The following USP40 variants were observed in gnomAD, a reference collection of about 807,000 sequenced individuals.
USP40 encodes the protein ubiquitin carboxyl-terminal hydrolase 40.
USP40 carries 143 observed loss-of-function variants against 166.2 expected under a neutral mutation model. The observed-to-expected ratio is 0.86, with a 90% confidence interval of 0.75 to 0.99. The LOEUF is 0.99. Among genes scored for constraint, USP40 ranks in the 50% least tolerant of loss-of-function variants. The pLI is 0.00. For synonymous variants in USP40, 498 were observed against 524.0 expected (o/e 0.95, Z 0.68); for missense variants, 1,444 against 1,479.7 (o/e 0.98, Z 0.40).
rs2064220636 is a variant in USP40 at position 233,477,150 on chromosome 2, A to G, written c.*242T>C. 1 of 527,970 alleles carries G rather than the reference A, an allele frequency of 1.9e-6. No individual in the cohort carries two copies. Among genetic ancestry groups the G allele is most frequent in the Non-Finnish European group, 3.4e-6 (1 of 290,414 alleles). The allele number at this position is 527,970 out of a possible 1,614,324, so 32.7% of individuals were successfully genotyped here. ...GGCCGGGTGCTGTGTGAGAGAGCCCAGCACCTACTGGCAGCTGGGTGGGCG... is the reference window on the plus strand; with the variant it reads ...GGCCGGGTGCTGTGTGAGAGAGCCCGGCACCTACTGGCAGCTGGGTGGGCG... On this transcript the variant is annotated 3_prime_UTR_variant, in exon 32 of 32. Coordinates refer to ENST00000678225, the MANE Select transcript of USP40 (RefSeq NM_001365479.2).
intron 5 of USP40, among the ~76,000 whole-genome samples, chr2:233,556,040 C>T (rs963834549): frequency 3.3e-5 from 5 of 150,212 alleles, no homozygotes; most frequent in Admixed American, 1.3e-4. Context: ...GGCGTGAACC[C>T]GGGAGGTGGA....
At chr2:233,518,209 G>GTTT (rs371510633) in intron 18 of USP40, among the ~76,000 whole-genome samples, 6 of 97,434 alleles carry the variant, frequency 6.2e-5, no homozygotes, top group Admixed American at 2.5e-4. Flanking sequence ...CTCAAAATAT[G>GTTT]TTTTTTTTTT....
Position 233,559,926 on chromosome 2 carries a change from T to C in USP40, c.268-2A>G. Reference sequence around the variant, plus strand: ...TAACTGTAAAGGGATGATTCGAACCTGAATGAGAAACAAACACATTTCTAA... The same window carrying C: ...TAACTGTAAAGGGATGATTCGAACCCGAATGAGAAACAAACACATTTCTAA... On this transcript the variant is annotated splice_acceptor_variant, in intron 3 of 31. Transcript: ENST00000678225. LOFTEE classifies it high-confidence loss of function. The C allele has an allele frequency of 6.3e-7, 1 of 1,593,360 alleles. No homozygotes were observed. The highest frequency in any genetic ancestry group is 1.1e-5 in the South Asian group (1 of 87,472).
chr2:233,557,919 A>G (rs1423697337), intron 4 of USP40, among the ~76,000 whole-genome samples: 1 of 149,544 alleles, frequency 6.7e-6, no homozygotes, highest in East Asian at 2.0e-4. Flanking sequence ...AGGCCGAGGC[A>G]GCAGGATGCC....
chr2:233,559,167 G>A (rs2071359345), intron 4 of USP40, among the ~76,000 whole-genome samples: 1 of 152,180 alleles, frequency 6.6e-6, no homozygotes, highest in Non-Finnish European at 1.5e-5. Context: ...TTTACTCATT[G>A]CTGACAAGTG....
At chr2:233,518,257 A>T (rs1164791123) in intron 18 of USP40, among the ~76,000 whole-genome samples, 1 of 97,976 alleles carries the variant, frequency 1.0e-5, no homozygotes, top group Non-Finnish European at 2.3e-5. Flanking sequence ...ATTCTAAAAA[A>T]AAAAAAAAAA....
Position 233,506,310 on chromosome 2 carries a change from G to C in USP40, c.2613+3739C>G, listed in dbSNP as rs151142665. The stretch of plus-strand genomic sequence containing the variant: ...TGGATCTCCACATGCAGAATAATGA[G>C]ACTAGATTCCCTAACTCTCACTAAA... On this transcript the variant is annotated intron_variant, in intron 21 of 31. Coordinates refer to ENST00000678225, the MANE Select transcript of USP40 (RefSeq NM_001365479.2). Among the ~76,000 whole-genome samples, 1,013 of 152,230 alleles carry C rather than the reference G, an allele frequency of 6.7e-3. 13 individuals are homozygous for C. Among genetic ancestry groups the C allele is most frequent in the African/African-American group, 0.024 (976 of 41,528 alleles).
At chr2:233,541,645 AG>A (rs2069424133) in intron 9 of USP40, among the ~76,000 whole-genome samples, 1 of 152,252 alleles carries the variant, frequency 6.6e-6, no homozygotes, top group Non-Finnish European at 1.5e-5. Context: ...TACTCGACCC[AG>A]GTCCCTAGCA....
rs185985560 is a variant in USP40 at position 233,516,749 on chromosome 2, C to T, written c.2383+2865G>A. Among the ~76,000 whole-genome samples the T allele has an allele frequency of 1.8e-3, 265 of 149,492 alleles. 5 individuals carry two copies. The highest frequency in any genetic ancestry group is 5.2e-3 in the African/African-American group (211 of 40,642). ...GGCAGGTGCCTGTAACCCAGATATTCGGGAGGCTGAGGCAAGAGAATCGCT... is the reference window on the plus strand; with the variant it reads ...GGCAGGTGCCTGTAACCCAGATATTTGGGAGGCTGAGGCAAGAGAATCGCT... On this transcript the variant is annotated intron_variant, in intron 18 of 31. Transcript: ENST00000678225.
intron 10 of USP40, among the ~76,000 whole-genome samples, chr2:233,537,508 A>C (rs1259211574): frequency 6.6e-6 from 1 of 152,214 alleles, no homozygotes; most frequent in East Asian, 1.9e-4. Context: ...ACAATACCTA[A>C]ATACATTATT....
chr2:233,519,425 G>A (rs1425512545), intron 18 of USP40, 189 bp downstream of exon 18: 1 of 496,412 alleles, frequency 2.0e-6, no homozygotes, highest in African/African-American at 2.0e-5. Context: ...GAGAACACAG[G>A]GGACTTTAAC....
intron 30 of USP40, among the ~76,000 whole-genome samples, chr2:233,484,629 G>A (rs1027874989): frequency 4.0e-4 from 61 of 151,946 alleles, no homozygotes; most frequent in African/African-American, 1.4e-3. Context: ...CTACAGGTGT[G>A]TGCTACCACA....
chr2:233,523,088 A>C, intron 16 of USP40, 82 bp downstream of exon 16: 1 of 1,404,228 alleles, frequency 7.1e-7, no homozygotes, highest in Non-Finnish European at 9.7e-7. Context: ...CTTGTCACTA[A>C]AATAAAGCTT....
chr2:233,481,669 C>A (rs759644026), intron 30 of USP40: 24 of 226,278 alleles, frequency 1.1e-4, no homozygotes, highest in Non-Finnish European at 1.1e-4. Context: ...ACTTTATAGA[C>A]ACCGTCAGTC....
At chr2:233,491,721 C>A (rs2124045) in intron 25 of USP40, among the ~76,000 whole-genome samples, 30,807 of 151,988 alleles carry the variant, frequency 0.2, 3,285 homozygotes, top group African/African-American at 0.21. Flanking sequence ...CTTGTCTCCC[C>A]AGTTCCTGGT....
rs2072045734 is a variant in USP40 at position 233,565,345 on chromosome 2, A to G, written c.199+11T>C. The G allele has an allele frequency of 6.5e-7, 1 of 1,528,422 alleles. No individual in the cohort carries two copies. Among genetic ancestry groups the G allele is most frequent in the East Asian group, 2.4e-5 (1 of 40,998 alleles). 94.7% of individuals were successfully genotyped at this position (1,528,422 alleles called of 1,614,324 possible). ...ACATATTGCTAGTTAAATGTACGTA[A>G]CATAGCATACCTCTGAATTCAGGTG... On this transcript the variant is annotated intron_variant, in intron 2 of 31. Transcript: ENST00000678225.
chr2:233,524,370 T>A (rs756287246), intron 15 of USP40, 122 bp downstream of exon 15: 7 of 685,330 alleles, frequency 1.0e-5, no homozygotes, highest in Non-Finnish European at 1.6e-5. Context: ...CCTCAGGTGA[T>A]CTGCCTGCCT....
chr2:233,481,080 G>T, intron 31 of USP40, 123 bp downstream of exon 31: 4 of 874,274 alleles, frequency 4.6e-6, no homozygotes, highest in Admixed American at 2.6e-5. Context: ...CGCCACACTG[G>T]TGTGCTTTGT....
intron 25 of USP40, 82 bp from the exon 26 acceptor site, chr2:233,491,343 T>C: frequency 9.8e-7 from 1 of 1,021,478 alleles, no homozygotes; most frequent in South Asian, 1.4e-5. Context: ...TGTTTTGATA[T>C]TGTAAATAGG....
Sources: gnomAD v4.1 joint callset for allele counts (sites outside exome capture counted in the v4.1 genomes callset) on GRCh38, gnomAD v4.1.1 for gene constraint, MANE v1.5 for transcripts, NCBI Gene and HGNC (gene_info 2026-07-23, HGNC 2026-07-21) for gene names.